The following ZNF566 variants were observed in gnomAD, a reference collection of about 807,000 sequenced individuals.
ZNF566 encodes the protein zinc finger protein 566.
A neutral mutation model predicts 32.8 loss-of-function variants in ZNF566; 27 were observed. The observed-to-expected ratio is 0.82, with a 90% CI of 0.61 to 1.14. ZNF566 has a LOEUF of 1.14. ZNF566 is among the 50% of genes most tolerant of loss of function. The pLI is 0.00. For missense variants in ZNF566, 402 were observed against 490.4 expected (o/e 0.82, Z 1.70); for synonymous variants, 154 against 159.5 (o/e 0.97, Z 0.26).
chr19:36,474,498 T>C (rs573372209), intron 2 of ZNF566, among the ~76,000 whole-genome samples: 4 of 152,288 alleles, frequency 2.6e-5, no homozygotes, highest in African/African-American at 4.8e-5. Flanking sequence ...AATGGTGATA[T>C]GGTAACAGTC....
chr19:36,467,790 C>CAAAAAAAAAAAAAAAAAAAA (rs560803094), intron 4 of ZNF566, among the ~76,000 whole-genome samples: 2 of 85,918 alleles, frequency 2.3e-5, no homozygotes, highest in Non-Finnish European at 4.3e-5. Flanking sequence ...GACTCCATCT[C>CAAAAAAAAAAAAAAAAAAAA]AAAAAAAAAA....
intron 1 of ZNF566, among the ~76,000 whole-genome samples, chr19:36,487,127 C>CA (rs2034187673): frequency 7.0e-6 from 1 of 143,426 alleles, no homozygotes; most frequent in Non-Finnish European, 1.5e-5. Context: ...CAAGACAAAA[C>CA]AAACCAAAAC....
intron 4 of ZNF566, among the ~76,000 whole-genome samples, chr19:36,466,692 TC>T (rs566414610): frequency 8.5e-5 from 13 of 152,138 alleles, no homozygotes; most frequent in Non-Finnish European, 1.6e-4. Flanking sequence ...TAAATTCAAT[TC>T]AGAGTAGAAA....
At chr19:36,482,692 C>A (rs2034066825) in intron 1 of ZNF566, among the ~76,000 whole-genome samples, 1 of 152,124 alleles carries the variant, frequency 6.6e-6, no homozygotes, top group Non-Finnish European at 1.5e-5. Context: ...TGCATGTATT[C>A]TAGGATAGAG....
chr19:36,457,531 A>G (rs935151237), intron 4 of ZNF566, among the ~76,000 whole-genome samples: 6 of 152,194 alleles, frequency 3.9e-5, no homozygotes, highest in African/African-American at 1.4e-4. Context: ...GAAACAGCCA[A>G]TAGGTATATG....
intron 2 of ZNF566, 188 bp downstream of exon 2, chr19:36,476,361 T>A: frequency 2.2e-6 from 1 of 457,810 alleles, no homozygotes; most frequent in Non-Finnish European, 3.9e-6. Context: ...TCAATTCTTT[T>A]TTTTTCTATG....
chr19:36,467,037 C>T (rs1423064505), intron 4 of ZNF566, among the ~76,000 whole-genome samples: 2 of 150,566 alleles, frequency 1.3e-5, no homozygotes, highest in African/African-American at 2.5e-5. Context: ...CCGCTGCACT[C>T]CACCCTGGGT....
At chr19:36,453,620 G>A (rs1600138891) in intron 4 of ZNF566, among the ~76,000 whole-genome samples, 1 of 151,340 alleles carries the variant, frequency 6.6e-6, no homozygotes, top group South Asian at 2.1e-4. Context: ...TAATGTGGGT[G>A]GAGAAGTTAA....
At chr19:36,466,054 G>GA (rs550607810) in intron 4 of ZNF566, among the ~76,000 whole-genome samples, 5 of 146,772 alleles carry the variant, frequency 3.4e-5, no homozygotes, top group African/African-American at 7.5e-5. Flanking sequence ...TCCTATCACT[G>GA]AAAAAAAAAA....
Position 36,449,541 on chromosome 19 carries a change from T to C in ZNF566, c.693A>G (p.Glu231=). 6.2e-7 allele frequency: 1 copy of C among 1,614,182 alleles called. No individual in the cohort carries two copies. Among genetic ancestry groups the C allele is most frequent in the Non-Finnish European group, 8.5e-7 (1 of 1,180,020 alleles). Residue 231 remains glutamate, a synonymous_variant, in exon 5 of 5, where the codon GAA becomes GAG. Transcript: ENST00000452939. ...AGCCACAAATAAAGGTTTTTCCACA[T>C]TCCTTACATTCAAAGGGTTTCTTGC... is the stretch of plus-strand genomic sequence containing the variant. The part of the protein sequence containing the change: ...HTGKKPFECK[E]CGKTFICGSD...
chr19:36,484,943 G>GA (rs1213309836), intron 1 of ZNF566, among the ~76,000 whole-genome samples: 1 of 151,932 alleles, frequency 6.6e-6, no homozygotes, highest in African/African-American at 2.4e-5. Flanking sequence ...AATAAAATGG[G>GA]AAAAACAGTG....
Position 36,449,099 on chromosome 19 carries a change from T to C in ZNF566, c.1135A>G (p.Ser379Gly). The C allele has an allele frequency of 6.2e-7, 1 of 1,614,098 alleles. No individual in the cohort carries two copies. Residue 379 changes from serine to glycine, a missense_variant, in exon 5 of 5, where the codon AGT (serine) becomes GGT (glycine). Ser to Gly is a moderately conservative substitution (Grantham distance 56). Around this residue, in one of 3 missense-constraint regions of ZNF566, gnomAD observed 135 missense variants for 210.0 expected, o/e 0.64. Transcript: ENST00000452939. ...CTATGATGACTAATAAGCTGTGAAC[T>C]CTGAGAATAAGCCTTCCCACATATC... The part of the protein sequence containing the change: ...CKICGKAYSQ[S>G]SQLISHHRIH...
Position 36,461,179 on chromosome 19 carries a change from C to A in ZNF566, c.233-11178G>T, listed in dbSNP as rs530057649. Among the ~76,000 whole-genome samples the A allele has an allele frequency of 2.5e-3, 382 of 152,222 alleles. 4 individuals are homozygous for A. Among genetic ancestry groups the A allele is most frequent in the Non-Finnish European group, 3.3e-3 (227 of 68,020 alleles). ...GGTCCAGTGCTGCTTTCCAGCTCTC[C>A]AAGGAAAACTAGAAATCCAGATTTC... On this transcript the variant is annotated intron_variant, in intron 4 of 4. Coordinates refer to ENST00000452939, the MANE Select transcript of ZNF566 (RefSeq NM_001145344.1).
rs998147888 is a variant in ZNF566 at position 36,483,740 on chromosome 19, C to T, written c.-60+5746G>A. ...TAAAGGAGTTTCATTGAACAATGAACGATTCGCAAATCAGGCAGCCCCCAG... is the reference window on the plus strand; with the variant it reads ...TAAAGGAGTTTCATTGAACAATGAATGATTCGCAAATCAGGCAGCCCCCAG... On this transcript the variant is annotated intron_variant, in intron 1 of 4. Coordinates refer to ENST00000452939, the MANE Select transcript of ZNF566 (RefSeq NM_001145344.1). Among the ~76,000 whole-genome samples the T allele has an allele frequency of 4.6e-5, 7 of 152,162 alleles. No individual in the cohort carries two copies. In the South Asian group the frequency reaches 6.2e-4, roughly 14 times the overall value.
At position 36,447,153 on chromosome 19, in the gene ZNF566, T is replaced by A. The variant is rs2033014994; in HGVS notation, c.*1824A>T. 6.6e-6 allele frequency: 1 copy of A among 152,298 alleles called. No homozygotes were observed. Among genetic ancestry groups the A allele is most frequent in the African/African-American group, 2.4e-5 (1 of 41,438 alleles). The allele number at this position is 152,298 out of a possible 1,614,324, so 9.4% of individuals were successfully genotyped here. ...GCCTCAGCCTCCCCAGTAGCTGGGA[T>A]TACAGGCATGTGCCACCATGCCTGG... On this transcript the variant is annotated 3_prime_UTR_variant, in exon 5 of 5. Transcript: ENST00000452939.
rs1434389780 is a variant in ZNF566, at chr19:36,446,945, G to A, written c.*2032C>T. ...ATCTGTCCAGCGTGGGGAGCTGCTT[G>A]CTGAGCATGTTTTGAGCACAGGGAA... On this transcript the variant is annotated 3_prime_UTR_variant, in exon 5 of 5. Transcript: ENST00000452939. 2 of 151,836 alleles carry A rather than the reference G, an allele frequency of 1.3e-5. No homozygotes were observed. Among genetic ancestry groups the A allele is most frequent in the African/African-American group, 4.8e-5 (2 of 41,316 alleles). 9.4% of individuals were successfully genotyped at this position (151,836 alleles called of 1,614,324 possible).
At position 36,473,008 on chromosome 19, in the gene ZNF566, T is replaced by A. The variant is rs777800914; in HGVS notation, c.137-2A>T. On this transcript the variant is annotated splice_acceptor_variant, in intron 3 of 4. Coordinates refer to ENST00000452939, the MANE Select transcript of ZNF566 (RefSeq NM_001145344.1). LOFTEE classifies it high-confidence loss of function. ...CATTTGGTTTAGAAATAGAATGCCCTGCTTACAAAAGAAGTAACAAAACAA... is the reference window on the plus strand; with the variant it reads ...CATTTGGTTTAGAAATAGAATGCCCAGCTTACAAAAGAAGTAACAAAACAA... 6.2e-6 allele frequency: 10 copies of A among 1,610,226 alleles called. No homozygotes were observed. The Admixed American group carries it at 1.7e-4, about 27-fold the overall frequency.
chr19:36,480,236 A>G (rs1385886652), intron 1 of ZNF566, among the ~76,000 whole-genome samples: 1 of 151,666 alleles, frequency 6.6e-6, no homozygotes, highest in Non-Finnish European at 1.5e-5. Context: ...ACATAACCAC[A>G]TGTATATACT....
chr19:36,489,026 T>C (rs2034243140), intron 1 of ZNF566, among the ~76,000 whole-genome samples: 1 of 151,914 alleles, frequency 6.6e-6, no homozygotes, highest in Non-Finnish European at 1.5e-5. Flanking sequence ...CACAACCACA[T>C]TGTCACAGTC....
Sources: gnomAD v4.1 joint callset for allele counts (sites outside exome capture counted in the v4.1 genomes callset) on GRCh38, gnomAD v4.1.1 for gene constraint, gnomAD v4.1.1 regional missense constraint, MANE v1.5 for transcripts, NCBI Gene and HGNC (gene_info 2026-07-23, HGNC 2026-07-21) for gene names.